Variants in SLC2A9 observed in about 807,000 individuals in gnomAD.
SLC2A9 encodes solute carrier family 2 member 9, also known as solute carrier family 2, facilitated glucose transporter member 9.
In SLC2A9, 39 loss-of-function variants were observed where a neutral mutation model predicts 50.6. That is an observed-to-expected ratio of 0.77 (90% CI 0.60 to 1.01). The LOEUF is 1.01. Ranked by LOEUF, SLC2A9 falls within the 50% of genes least tolerant of loss-of-function variation. The pLI is 0.00. For missense variants in SLC2A9, 686 were observed against 677.6 expected, an observed-to-expected ratio of 1.01 and a Z score of -0.14; for synonymous variants, 324 against 276.9, an observed-to-expected ratio of 1.17 and a Z score of -1.69.
At chr4:10,015,100 G>A (rs1378885296) in intron 2 of SLC2A9, among the ~76,000 whole-genome samples, 2 of 152,198 alleles carry the variant, frequency 1.3e-5, no homozygotes, top group African/African-American at 2.4e-5. Flanking sequence ...CTTGTAACAC[G>A]ATGGCAGCAT....
chr4:9,990,210 A>T (rs1206494272), intron 3 of SLC2A9, among the ~76,000 whole-genome samples: 8 of 152,122 alleles, frequency 5.3e-5, no homozygotes, highest in Non-Finnish European at 1.2e-4. Flanking sequence ...TAATCGGATG[A>T]GGGAACGGAA....
At chr4:9,847,100 TA>T (rs1257965730) in intron 10 of SLC2A9, among the ~76,000 whole-genome samples, 1 of 152,220 alleles carries the variant, frequency 6.6e-6, no homozygotes, top group African/African-American at 2.4e-5. Context: ...TTAAATGAGA[TA>T]ATGCTTAGCA....
chr4:9,941,479 A>G (rs534472518), intron 6 of SLC2A9, among the ~76,000 whole-genome samples: 25 of 152,310 alleles, frequency 1.6e-4, no homozygotes, highest in African/African-American at 5.8e-4. Flanking sequence ...CTGTGCTTGC[A>G]TCTTTTCCTC....
At chr4:9,929,821 G>A (rs1003714202) in intron 6 of SLC2A9, among the ~76,000 whole-genome samples, 2 of 152,188 alleles carry the variant, frequency 1.3e-5, no homozygotes, top group Non-Finnish European at 2.9e-5. Context: ...GGGTGGTTTA[G>A]ACAACAGACT....
At chr4:9,861,974 C>T (rs1008707623) in intron 10 of SLC2A9, among the ~76,000 whole-genome samples, 2 of 152,170 alleles carry the variant, frequency 1.3e-5, no homozygotes, top group Admixed American at 6.6e-5. Context: ...TTCTATCCTC[C>T]GGCCCCTACT....
At position 9,849,569 on chromosome 4, in the gene SLC2A9, C is replaced by G. The variant is rs183447888; in HGVS notation, c.1292-14561G>C. 1.6e-3 allele frequency among the ~76,000 whole-genome samples: 245 copies of G among 152,244 alleles called. 1 individual carries two copies. Among genetic ancestry groups the G allele is most frequent in the African/African-American group, 5.7e-3 (236 of 41,538 alleles). On this transcript the variant is annotated intron_variant, in intron 10 of 11. Coordinates refer to ENST00000264784, the MANE Select transcript of SLC2A9 (RefSeq NM_020041.3). ...TGTGTTCTTTAGTTGAATCAATAGG[C>G]TTGAACATTACCATCCTGGACTGTC... is the stretch of plus-strand genomic sequence containing the variant.
intron 10 of SLC2A9, among the ~76,000 whole-genome samples, chr4:9,849,200 G>A (rs1176285768): frequency 6.6e-6 from 1 of 152,164 alleles, no homozygotes; most frequent in Non-Finnish European, 1.5e-5. Flanking sequence ...AGGGTTTTAG[G>A]AGGAGAAAGA....
intron 1 of SLC2A9, chr4:10,035,550 A>T (rs1219145449): frequency 3.3e-5 from 5 of 152,282 alleles, no homozygotes; most frequent in Non-Finnish European, 5.9e-5. Context: ...ACCTGCATGG[A>T]TCCTGGGTGT....
At position 9,978,517 on chromosome 4, in the gene SLC2A9, T is replaced by C. The variant is rs539796990; in HGVS notation, c.681+2075A>G. Among the ~76,000 whole-genome samples, 47 of 152,370 alleles carry C rather than the reference T, an allele frequency of 3.1e-4. 1 individual carries two copies. The highest frequency in any genetic ancestry group is 2.5e-3 in the Admixed American group (39 of 15,312). On this transcript the variant is annotated intron_variant, in intron 5 of 11. Coordinates refer to ENST00000264784, the MANE Select transcript of SLC2A9 (RefSeq NM_020041.3). ...TTAAATGTATTTTTGTTTAGGGAGC[T>C]GAGGCTGTTATCTTGTTTTTATTAT...
chr4:10,005,227 A>C (rs1390502923), intron 2 of SLC2A9, among the ~76,000 whole-genome samples: 1 of 152,254 alleles, frequency 6.6e-6, no homozygotes, highest in Non-Finnish European at 1.5e-5. Context: ...TCAAGCAAGC[A>C]AGAAGGGCAG....
chr4:9,943,472 G>A lies in SLC2A9; in HGVS notation c.682-1427C>T, dbSNP rs561446728. ...CTAGAAGGCTGGGAGGGGTAGGCTA[G>A]GGCTGTCGGGGGCCCAGGAGGGCCA... On this transcript the variant is annotated intron_variant, in intron 5 of 11. Transcript: ENST00000264784. Among the ~76,000 whole-genome samples, 3 of 152,306 alleles carry A rather than the reference G, an allele frequency of 2.0e-5. No homozygotes were observed. The East Asian group carries it at 5.8e-4, about 29-fold the overall frequency.
intron 10 of SLC2A9, among the ~76,000 whole-genome samples, chr4:9,874,058 G>A (rs1370079050): frequency 6.6e-6 from 1 of 152,078 alleles, no homozygotes; most frequent in South Asian, 2.1e-4. Flanking sequence ...CGATGATCTG[G>A]CCACCACTTT....
intron 5 of SLC2A9, among the ~76,000 whole-genome samples, chr4:9,951,023 A>C (rs1332530727): frequency 6.6e-6 from 1 of 152,214 alleles, no homozygotes; most frequent in Non-Finnish European, 1.5e-5. Context: ...TTCATACGTC[A>C]AAGGGATACC....
At chr4:9,979,720 C>T (rs1459562644) in intron 5 of SLC2A9, among the ~76,000 whole-genome samples, 1 of 152,114 alleles carries the variant, frequency 6.6e-6, no homozygotes, top group African/African-American at 2.4e-5. Context: ...TGTCACCCTC[C>T]AGCTCCAGTG....
At chr4:9,975,417 TAACCCCATTA>T (rs978771260) in intron 5 of SLC2A9, among the ~76,000 whole-genome samples, 2 of 151,688 alleles carry the variant, frequency 1.3e-5, no homozygotes, top group African/African-American at 4.8e-5. Flanking sequence ...AAAAAACAAA[TAACCCCATTA>T]AAAAATGGGA....
At chr4:9,836,626 G>T (rs1411588142) in intron 10 of SLC2A9, among the ~76,000 whole-genome samples, 1 of 152,222 alleles carries the variant, frequency 6.6e-6, no homozygotes. Context: ...TGTGAGCAGG[G>T]CCAATGAAGC....
chr4:10,014,554 C>A (rs1001048723), intron 2 of SLC2A9, among the ~76,000 whole-genome samples: 2 of 152,200 alleles, frequency 1.3e-5, no homozygotes, highest in Non-Finnish European at 2.9e-5. Flanking sequence ...CTCTCCACCC[C>A]ACTGGACCCC....
intron 5 of SLC2A9, among the ~76,000 whole-genome samples, chr4:9,954,113 T>C (rs989871294): frequency 6.6e-6 from 1 of 152,110 alleles, no homozygotes; most frequent in African/African-American, 2.4e-5. Flanking sequence ...CCAGCCCTAA[T>C]TTTTTGTAGA....
At chr4:9,865,705 A>G (rs540447467) in intron 10 of SLC2A9, among the ~76,000 whole-genome samples, 148 of 152,298 alleles carry the variant, frequency 9.7e-4, no homozygotes, top group Middle Eastern at 3.4e-3. Flanking sequence ...CCTGTGTCTG[A>G]CCCAAGCTCA....
Sources: gnomAD v4.1 joint callset for allele counts (sites outside exome capture counted in the v4.1 genomes callset) on GRCh38, gnomAD v4.1.1 for gene constraint, MANE v1.5 for transcripts, NCBI Gene and HGNC (gene_info 2026-07-23, HGNC 2026-07-21) for gene names.